Variants in DLGAP5 observed in about 807,000 individuals in gnomAD.
DLGAP5 encodes DLG associated protein 5.
In DLGAP5, 90 loss-of-function variants were observed where a neutral mutation model predicts 99.6. The observed-to-expected ratio is 0.90, with a 90% CI of 0.76 to 1.08. The LOEUF is 1.08. DLGAP5 is among the 50% of genes least tolerant of loss of function. DLGAP5 has a pLI of 0.00. For synonymous variants in DLGAP5, 311 were observed against 321.3 expected (o/e 0.97, Z 0.34); for missense variants, 1,036 against 983.5 (o/e 1.05, Z -0.71).
intron 14 of DLGAP5, among the ~76,000 whole-genome samples, chr14:55,156,587 G>C (rs944496835): frequency 6.6e-6 from 1 of 152,162 alleles, no homozygotes; most frequent in Non-Finnish European, 1.5e-5. Context: ...GGCCCCGAAA[G>C]TAAAGGTCCT....
In DLGAP5 at chr14:55,175,377, C is replaced by G. The variant is rs773708792; in HGVS notation, c.1270G>C (p.Ala424Pro). ...TATGGCACACCATGGTGGGGCTGAG[C>G]AATTCGACCTTCATTTCTTTCAAGT... ...PSLERNEGRI[A>P]QPHHGVPYFR... The change falls in exon 10 of 19, where the codon GCT (alanine) becomes CCT (proline). Residue 424 changes from alanine (A) to proline (P), a missense_variant. Physicochemically the swap from Ala to Pro is conservative, Grantham distance 27. Coordinates refer to ENST00000247191, the MANE Select transcript of DLGAP5 (RefSeq NM_014750.5). The G allele has an allele frequency of 3.7e-6, 6 of 1,610,132 alleles. No individual in the cohort carries two copies. The highest frequency in any genetic ancestry group is 5.1e-6 in the Non-Finnish European group (6 of 1,178,738).
chr14:55,151,343 T>TA (rs59934475), intron 17 of DLGAP5, among the ~76,000 whole-genome samples: 37,882 of 150,724 alleles, frequency 0.25, 5,592 homozygotes, highest in Non-Finnish European at 0.33. Flanking sequence ...AAAGGACAAC[T>TA]AAAAAAAAAG....
chr14:55,190,217 C>T (rs1408496853), intron 1 of DLGAP5, among the ~76,000 whole-genome samples: 1 of 151,830 alleles, frequency 6.6e-6, no homozygotes. Context: ...ACTGCTTGAG[C>T]CCAGGAGTTT....
intron 12 of DLGAP5, among the ~76,000 whole-genome samples, chr14:55,164,912 A>T (rs534455589): frequency 2.6e-5 from 3 of 117,512 alleles, no homozygotes; most frequent in South Asian, 5.3e-4. Flanking sequence ...ACAGAGTGAG[A>T]CTCTGTCTCA....
At chr14:55,174,836 G>A (rs112760840) in intron 10 of DLGAP5, among the ~76,000 whole-genome samples, 8,808 of 152,054 alleles carry the variant, frequency 0.058, 321 homozygotes, top group South Asian at 0.09. Context: ...GACTACAGGC[G>A]TGCACCACCA....
intron 6 of DLGAP5, among the ~76,000 whole-genome samples, 183 bp downstream of exon 6, chr14:55,180,473 A>T (rs1883232067): frequency 6.6e-6 from 1 of 152,178 alleles, no homozygotes; most frequent in Non-Finnish European, 1.5e-5. Context: ...TAAGGTCTTC[A>T]ATGATTGGGC....
chr14:55,191,486 C>T lies in DLGAP5; in HGVS notation c.-25G>A, dbSNP rs1000252185. The T allele has an allele frequency of 6.5e-6, 1 of 153,168 alleles. No individual in the cohort carries two copies. The highest frequency in any genetic ancestry group is 2.4e-5 in the African/African-American group (1 of 41,432). 9.5% of individuals were successfully genotyped at this position (153,168 alleles called of 1,614,324 possible). A position where few individuals can be genotyped will look rare whatever the true frequency, so the allele number is the denominator to read the frequency against. On this transcript the variant is annotated 5_prime_UTR_variant, in exon 1 of 19. Transcript: ENST00000247191. The stretch of plus-strand genomic sequence containing the variant: ...ACCTGAGCCACCTTCTAGCGTGAAA[C>T]CTCAACCAAACAAAAAGTAAAGAAC...
At chr14:55,164,095 C>A (rs1336560710) in intron 12 of DLGAP5, among the ~76,000 whole-genome samples, 2 of 152,142 alleles carry the variant, frequency 1.3e-5, no homozygotes, top group East Asian at 3.8e-4. Context: ...ACGCCACTGA[C>A]AACAGTTTGG....
chr14:55,173,233 G>A (rs1407220125), intron 10 of DLGAP5, among the ~76,000 whole-genome samples: 13 of 141,720 alleles, frequency 9.2e-5, no homozygotes, highest in Non-Finnish European at 1.1e-4. Flanking sequence ...CTGTGAGTTC[G>A]AGACCAGCTT....
chr14:55,173,955 T>A (rs1196936408), intron 10 of DLGAP5, among the ~76,000 whole-genome samples: 1 of 152,182 alleles, frequency 6.6e-6, no homozygotes, highest in African/African-American at 2.4e-5. Flanking sequence ...TTGAGCAATA[T>A]GAAATGTGGG....
At chr14:55,152,738 G>T in intron 15 of DLGAP5, 91 bp from the exon 16 acceptor site, 2 of 1,105,784 alleles carry the variant, frequency 1.8e-6, no homozygotes, top group African/African-American at 1.6e-5. Context: ...ATGGCAATTA[G>T]TTTAGGGAAT....
intron 8 of DLGAP5, among the ~76,000 whole-genome samples, chr14:55,176,466 A>G (rs1883064631): frequency 6.6e-6 from 1 of 152,220 alleles, no homozygotes; most frequent in South Asian, 2.1e-4. Context: ...CAGTATAGCA[A>G]TTTTCTTCTT....
At chr14:55,171,815 G>T (rs534005858) in intron 10 of DLGAP5, among the ~76,000 whole-genome samples, 2 of 152,270 alleles carry the variant, frequency 1.3e-5, no homozygotes, top group South Asian at 4.1e-4. Flanking sequence ...ATGCTACAAT[G>T]AATGAACCTT....
At chr14:55,166,436 T>A (rs1257838790) in intron 12 of DLGAP5, among the ~76,000 whole-genome samples, 1 of 152,154 alleles carries the variant, frequency 6.6e-6, no homozygotes, top group East Asian at 1.9e-4. Context: ...TTTATACTGA[T>A]GAAAATGTTC....
In DLGAP5 at chr14:55,179,704, AAC is replaced by A; in HGVS notation, c.704-7_704-6del. 6.3e-7 allele frequency: 1 copy of A among 1,599,762 alleles called. No homozygotes were observed. Among genetic ancestry groups the A allele is most frequent in the East Asian group, 2.2e-5 (1 of 44,668 alleles). ...CCTTTCCTTCTGGTTCGTTTTCTAA[AAC>A]AACAATAAAATATTTATTTTACTAG... is the stretch of plus-strand genomic sequence containing the variant. On this transcript the variant is annotated splice_polypyrimidine_tract_variant and splice_region_variant and intron_variant, in intron 6 of 18. Transcript: ENST00000247191.
intron 2 of DLGAP5, among the ~76,000 whole-genome samples, chr14:55,188,280 C>T (rs1056775584): frequency 6.6e-6 from 1 of 152,144 alleles, no homozygotes; most frequent in African/African-American, 2.4e-5. Context: ...GCATCCTTTG[C>T]CTTCTAAGAT....
At chr14:55,173,795 CTT>C (rs1458995832) in intron 10 of DLGAP5, among the ~76,000 whole-genome samples, 1 of 152,150 alleles carries the variant, frequency 6.6e-6, no homozygotes, top group Non-Finnish European at 1.5e-5. Flanking sequence ...TTCATGGACA[CTT>C]ATCACTTCCC....
intron 8 of DLGAP5, 73 bp downstream of exon 8, chr14:55,176,976 GAAAAAAAAAAAAA>G (rs34109336): frequency 3.0e-4 from 76 of 253,514 alleles, no homozygotes; most frequent in East Asian, 1.9e-3. Context: ...AACTCCGTCT[GAAAAAAAAAAAAA>G]AAAAAAAAAA....
chr14:55,163,113 C>G, intron 12 of DLGAP5, 38 bp from the exon 13 acceptor site: 1 of 1,322,188 alleles, frequency 7.6e-7, no homozygotes, highest in Non-Finnish European at 1.0e-6. Flanking sequence ...TTAATGCTAG[C>G]CATATTAAAG....
Sources: allele counts gnomAD v4.1 joint callset (sites outside exome capture counted in the v4.1 genomes callset), GRCh38; gene constraint gnomAD v4.1.1; transcripts MANE v1.5; gene names NCBI Gene and HGNC (gene_info 2026-07-23, HGNC 2026-07-21).